Variants in ZNF385D observed in about 807,000 individuals in gnomAD.
ZNF385D encodes the protein zinc finger protein 385D.
In ZNF385D, 15 loss-of-function variants were observed where a neutral mutation model predicts 35.8. The ratio of observed to expected loss-of-function variants is 0.42; its 90% confidence interval spans 0.28 to 0.64. ZNF385D has a LOEUF of 0.64. ZNF385D is among the 30% of genes least tolerant of loss of function. The probability of loss-of-function intolerance (pLI) is 0.23; values close to 1 mark genes in which losing one functional copy is unlikely to be tolerated. For missense variants in ZNF385D, 474 were observed against 494.6 expected, an observed-to-expected ratio of 0.96 and a Z score of 0.39; for synonymous variants, 212 against 186.8, an observed-to-expected ratio of 1.13 and a Z score of -1.10.
At chr3:21,701,941 A>G (rs1033464766) in intron 1 of ZNF385D, among the ~76,000 whole-genome samples, 20 of 152,106 alleles carry the variant, frequency 1.3e-4, no homozygotes, top group African/African-American at 4.6e-4. Context: ...TATAGCCCCC[A>G]TCTTGGCTAC....
intron 4 of ZNF385D, among the ~76,000 whole-genome samples, chr3:21,449,477 A>G (rs997732091): frequency 3.0e-4 from 45 of 152,184 alleles, no homozygotes; most frequent in African/African-American, 9.7e-4. Context: ...TATAATTCAT[A>G]ATTAAGCTTT....
intron 3 of ZNF385D, among the ~76,000 whole-genome samples, chr3:22,157,256 T>A (rs933889034): frequency 2.0e-5 from 3 of 152,096 alleles, no homozygotes; most frequent in Non-Finnish European, 4.4e-5. Flanking sequence ...TGTATCTAAA[T>A]CATAAAATAA....
At chr3:22,238,103 AAG>A (rs1699292460) in intron 2 of ZNF385D, among the ~76,000 whole-genome samples, 1 of 151,038 alleles carries the variant, frequency 6.6e-6, no homozygotes. Flanking sequence ...AAAAACAAAA[AAG>A]GTAGATCACA....
At chr3:21,614,972 CAT>C (rs2064803124) in intron 2 of ZNF385D, among the ~76,000 whole-genome samples, 1 of 152,192 alleles carries the variant, frequency 6.6e-6, no homozygotes. Flanking sequence ...AGCTAGGAAA[CAT>C]AGTACTCTGA....
At chr3:21,510,840 C>A (rs539291736) in intron 4 of ZNF385D, 21 bp downstream of exon 4, 2 of 1,613,106 alleles carry the variant, frequency 1.2e-6, no homozygotes, top group Non-Finnish European at 1.7e-6. Context: ...AGGACAACAA[C>A]AACAAAGATC....
chr3:22,309,499 A>G (rs529113339), intron 2 of ZNF385D, among the ~76,000 whole-genome samples: 1 of 152,244 alleles, frequency 6.6e-6, no homozygotes. Flanking sequence ...GAGTATTAAT[A>G]TAAGGTCAAA....
intron 2 of ZNF385D, among the ~76,000 whole-genome samples, chr3:22,340,277 G>C (rs1400535043): frequency 2.6e-5 from 4 of 152,092 alleles, no homozygotes; most frequent in African/African-American, 9.7e-5. Context: ...AACAGGTCTG[G>C]GTTCTAAAAT....
chr3:22,264,437 A>G (rs1160137196), intron 2 of ZNF385D, among the ~76,000 whole-genome samples: 2 of 152,024 alleles, frequency 1.3e-5, no homozygotes, highest in Admixed American at 1.3e-4. Flanking sequence ...GGCAAAGACT[A>G]GGGATCTGAA....
chr3:21,628,645 C>G lies in ZNF385D; in HGVS notation c.165+36241G>C, dbSNP rs77206271. 1.8e-3 allele frequency among the ~76,000 whole-genome samples: 275 copies of G among 152,194 alleles called. 7 individuals carry two copies. In the East Asian group the frequency reaches 0.043, roughly 24 times the overall value. On this transcript the variant is annotated intron_variant, in intron 2 of 7. Coordinates refer to ENST00000281523, the MANE Select transcript of ZNF385D (RefSeq NM_024697.3). ...ATTTTGTGGCTTACTGCCTGGCTGC[C>G]AGCAGTGGAATAAACTGAAACCTTC...
intron 2 of ZNF385D, among the ~76,000 whole-genome samples, chr3:22,179,984 C>T (rs886503166): frequency 1.3e-5 from 2 of 152,102 alleles, no homozygotes; most frequent in Admixed American, 6.5e-5. Context: ...TTCAAAAAAT[C>T]AATGAATCCA....
chr3:21,424,300 T>TATATATATAC (rs1575118892), intron 6 of ZNF385D, among the ~76,000 whole-genome samples: 2 of 70,498 alleles, frequency 2.8e-5, no homozygotes, highest in Non-Finnish European at 2.6e-5. Flanking sequence ...TATATATATA[T>TATATATATAC]TTATATATAT....
In ZNF385D at chr3:21,414,496, T is replaced by C. The variant is rs1287657977; in HGVS notation, c.*6718A>G. The C allele has an allele frequency of 6.6e-6, 1 of 152,138 alleles. No homozygotes were observed. The highest frequency in any genetic ancestry group is 1.5e-5 in the Non-Finnish European group (1 of 67,996). The allele number at this position is 152,138 out of a possible 1,614,324, so 9.4% of individuals were successfully genotyped here. A position where few individuals can be genotyped will look rare whatever the true frequency, so the allele number is the denominator to read the frequency against. On this transcript the variant is annotated 3_prime_UTR_variant, in exon 8 of 8. Transcript: ENST00000281523. ...ATAAACGCTGTAACTATAAGTCACA[T>C]TTTAAAACGACTTTATGAAATTTAT... is the stretch of plus-strand genomic sequence containing the variant.
At chr3:22,062,474 G>C (rs112071317) in intron 3 of ZNF385D, among the ~76,000 whole-genome samples, 1 of 152,258 alleles carries the variant, frequency 6.6e-6, no homozygotes, top group Non-Finnish European at 1.5e-5. Context: ...GCCATATAAA[G>C]GACTTGCTTC....
chr3:22,210,690 G>C (rs113777473), intron 2 of ZNF385D, among the ~76,000 whole-genome samples: 36 of 151,752 alleles, frequency 2.4e-4, no homozygotes, highest in Non-Finnish European at 4.6e-4. Flanking sequence ...TACATGAAAG[G>C]TTCCTTGGAG....
At chr3:21,832,752 G>A (rs1695079431) in intron 3 of ZNF385D, among the ~76,000 whole-genome samples, 2 of 152,132 alleles carry the variant, frequency 1.3e-5, no homozygotes, top group Admixed American at 6.6e-5. Context: ...ATCATCTGTT[G>A]TTGGGTGTGA....
intron 2 of ZNF385D, among the ~76,000 whole-genome samples, chr3:22,330,006 G>T (rs767742709): frequency 6.6e-6 from 1 of 152,082 alleles, no homozygotes; most frequent in African/African-American, 2.4e-5. Context: ...CTAAAACTAT[G>T]CTCTGTATTG....
chr3:22,366,557 T>C (rs1696665838), intron 2 of ZNF385D, among the ~76,000 whole-genome samples: 2 of 152,170 alleles, frequency 1.3e-5, no homozygotes, highest in South Asian at 4.1e-4. Flanking sequence ...ATTTTTTACA[T>C]TTTACTAATG....
At chr3:22,181,481 G>T (rs1177480845) in intron 2 of ZNF385D, among the ~76,000 whole-genome samples, 1 of 151,996 alleles carries the variant, frequency 6.6e-6, no homozygotes, top group Non-Finnish European at 1.5e-5. Context: ...CGGATCACGA[G>T]GTCAGGAGAT....
chr3:21,783,320 G>A (rs932290294), intron 3 of ZNF385D, among the ~76,000 whole-genome samples: 2 of 152,102 alleles, frequency 1.3e-5, no homozygotes, highest in Non-Finnish European at 2.9e-5. Flanking sequence ...TCAAAATTGG[G>A]CTCTCCCAGG....
Sources: gnomAD v4.1 joint callset for allele counts (sites outside exome capture counted in the v4.1 genomes callset) on GRCh38, gnomAD v4.1.1 for gene constraint, MANE v1.5 for transcripts, NCBI Gene and HGNC (gene_info 2026-07-23, HGNC 2026-07-21) for gene names.